Variants in ZNF28 observed in about 807,000 individuals in gnomAD.
ZNF28 encodes the protein zinc finger protein KOX24.
In ZNF28, 5 loss-of-function variants were observed where a neutral mutation model predicts 7.2. That is an observed-to-expected ratio of 0.70 (90% confidence interval 0.36 to 1.46). The LOEUF (loss-of-function observed/expected upper bound fraction) is 1.46. Among genes scored for constraint, ZNF28 ranks in the 40% most tolerant of loss-of-function variants. The probability of loss-of-function intolerance (pLI) is 0.03; values close to 1 mark genes in which losing one functional copy is unlikely to be tolerated. For missense variants in ZNF28, 879 were observed against 866.6 expected (o/e 1.01, Z -0.18); for synonymous variants, 288 against 292.4 (o/e 0.99, Z 0.15).
chr19:52,812,287 G>A (rs1209959120), intron 2 of ZNF28, among the ~76,000 whole-genome samples: 5 of 141,002 alleles, frequency 3.5e-5, no homozygotes, highest in Admixed American at 1.4e-4. Context: ...CATTGAGAAC[G>A]GGCCATGATG....
In ZNF28 at chr19:52,799,965, C is replaced by T; in HGVS notation, c.1880G>A (p.Arg627Lys). 2 of 1,613,098 alleles carry T rather than the reference C, an allele frequency of 1.2e-6. No individual in the cohort carries two copies. Among genetic ancestry groups the T allele is most frequent in the Non-Finnish European group, 1.7e-6 (2 of 1,179,492 alleles). Residue 627 changes from arginine to lysine, a missense_variant, in exon 4 of 4, where the codon AGG (arginine) becomes AAG (lysine). By Grantham distance (26) the Arg-to-Lys change is conservative. This residue lies in a region of ZNF28 where 864 missense variants were observed against 830.2 expected (regional missense o/e 1.04). Transcript: ENST00000457749. ...GTAAGGTTTCTCTCCAGTATGAAGCCTACGATGGATTATAAGCGATGATGT... is the reference window on the plus strand; with the variant it reads ...GTAAGGTTTCTCTCCAGTATGAAGCTTACGATGGATTATAAGCGATGATGT... ...RQTSSLIIHR[R>K]LHTGEKPYKC...
At chr19:52,820,658 TCTCC>T (rs1408381700) in intron 1 of ZNF28, among the ~76,000 whole-genome samples, 1 of 151,950 alleles carries the variant, frequency 6.6e-6, no homozygotes, top group African/African-American at 2.4e-5. Context: ...TCCCTCCTCC[TCTCC>T]CTCACTCTGA....
Position 52,810,540 on chromosome 19 carries a change from G to C in ZNF28, c.16-2407C>G. ...AAGGTGATCCCAAAGCGAACCAACA[G>C]ACCAGGCATCAGCACAACAGACCGG... On this transcript the variant is annotated intron_variant, in intron 2 of 3. Transcript: ENST00000457749. The C allele has an allele frequency of 2.5e-6, 4 of 1,596,896 alleles. No individual in the cohort carries two copies. In the Admixed American group the frequency reaches 6.7e-5, roughly 27 times the overall value.
chr19:52,810,572 C>T lies in ZNF28; in HGVS notation c.16-2439G>A. On this transcript the variant is annotated intron_variant, in intron 2 of 3. Transcript: ENST00000457749. ...CATCAGCACAACAGACCGGGGTCTT[C>T]CACGAGCCCGCTACCGCGCCCGACC... 4.4e-6 allele frequency: 7 copies of T among 1,592,998 alleles called. No individual in the cohort carries two copies. In the South Asian group the frequency reaches 7.7e-5, roughly 18 times the overall value.
intron 2 of ZNF28, among the ~76,000 whole-genome samples, chr19:52,815,134 A>T (rs1462055440): frequency 1.4e-5 from 2 of 144,434 alleles, no homozygotes; most frequent in Non-Finnish European, 3.0e-5. Context: ...TAAAATATAA[A>T]AAGTAGCAAG....
In ZNF28 at chr19:52,819,717, A is replaced by G. The variant is rs1005198250; in HGVS notation, c.-73-1686T>C. On this transcript the variant is annotated intron_variant, in intron 1 of 3. Transcript: ENST00000457749. Reference sequence around the variant, plus strand: ...TGGGATGGACTGGTCTTATCATCCCATCCTTAAAATTAGAGAAGCATCTTT... The same window carrying G: ...TGGGATGGACTGGTCTTATCATCCCGTCCTTAAAATTAGAGAAGCATCTTT... 3.5e-5 allele frequency among the ~76,000 whole-genome samples: 5 copies of G among 142,978 alleles called. 1 individual carries two copies. Among genetic ancestry groups the G allele is most frequent in the Admixed American group, 3.5e-4 (5 of 14,312 alleles). The allele number at this position is 142,978 out of a possible 152,430, so 93.8% of individuals were successfully genotyped here.
In ZNF28 at chr19:52,799,701, C is replaced by T. The variant is rs768897226; in HGVS notation, c.2144G>A (p.Gly715Glu). The T allele has an allele frequency of 6.4e-7, 1 of 1,565,594 alleles. No homozygotes were observed. The highest frequency in any genetic ancestry group is 1.7e-5 in the Admixed American group (1 of 59,156). ...CTCATTACACTTTCAAGGTTTCTCT[C>T]CACTATGAAGTCTATGATGGTATAC... ...NLVYHHRLHS[G>E]EKP The change falls in exon 4 of 4, where the codon GGA (glycine) becomes GAA (glutamate). Residue 715 changes from glycine to glutamate, a missense_variant. Around this residue, in one of 2 missense-constraint regions of ZNF28, gnomAD observed 15 missense variants for 36.4 expected, o/e 0.41. Coordinates refer to ENST00000457749, the MANE Select transcript of ZNF28 (RefSeq NM_006969.5).
chr19:52,807,886 A>C (rs554427055), intron 3 of ZNF28, 121 bp downstream of exon 3: 1 of 1,478,822 alleles, frequency 6.8e-7, no homozygotes, highest in East Asian at 2.3e-5. Context: ...TACATCATGA[A>C]GCTTTTCATT....
intron 2 of ZNF28, among the ~76,000 whole-genome samples, chr19:52,810,945 A>G (rs373220758): frequency 1.6e-5 from 2 of 124,442 alleles, no homozygotes; most frequent in South Asian, 3.2e-4. Flanking sequence ...GCCGAGCCAA[A>G]GCTGGACGGT....
At chr19:52,813,503 T>A (rs1189242361) in intron 2 of ZNF28, among the ~76,000 whole-genome samples, 1 of 122,352 alleles carries the variant, frequency 8.2e-6, no homozygotes, top group African/African-American at 3.9e-5. Flanking sequence ...TTTTTTTTTT[T>A]ACCCAGGGCT....
intron 2 of ZNF28, among the ~76,000 whole-genome samples, chr19:52,817,038 C>T (rs111576669): frequency 6.6e-6 from 1 of 151,044 alleles, no homozygotes; most frequent in Admixed American, 6.6e-5. Flanking sequence ...GGTTGAATGA[C>T]TCTCCTGCTA....
intron 1 of ZNF28, among the ~76,000 whole-genome samples, chr19:52,819,496 A>C (rs4803003): frequency 0.2 from 9,482 of 47,630 alleles, 2,323 homozygotes; most frequent in African/African-American, 0.25. Flanking sequence ...CCAGACACCC[A>C]CTCTATTTTG....
intron 2 of ZNF28, chr19:52,810,397 C>G: frequency 6.2e-7 from 1 of 1,604,928 alleles, no homozygotes; most frequent in Non-Finnish European, 8.5e-7. Flanking sequence ...AACCACGTTA[C>G]CATACTCTGT....
chr19:52,812,496 T>G (rs1258606278), intron 2 of ZNF28, among the ~76,000 whole-genome samples: 2 of 123,902 alleles, frequency 1.6e-5, no homozygotes, highest in Admixed American at 8.1e-5. Flanking sequence ...AAACATGTGC[T>G]GTGTCCACTC....
chr19:52,804,253 G>C (rs1207459194), intron 3 of ZNF28, among the ~76,000 whole-genome samples: 2 of 152,172 alleles, frequency 1.3e-5, no homozygotes, highest in African/African-American at 4.8e-5. Flanking sequence ...AAATTCATGA[G>C]AAATCAATGT....
chr19:52,818,150 C>T lies in ZNF28; in HGVS notation c.-73-119G>A, dbSNP rs548387592. ...AAATATGGTCCCCTATGCTGCCTAC[C>T]GCACCACGAACAAAAAATTCCTACA... is the stretch of plus-strand genomic sequence containing the variant. On this transcript the variant is annotated intron_variant, in intron 1 of 3. Coordinates refer to ENST00000457749, the MANE Select transcript of ZNF28 (RefSeq NM_006969.5). 252 of 1,093,146 alleles carry T rather than the reference C, an allele frequency of 2.3e-4. No homozygotes were observed. The African/African-American group carries it at 2.7e-3, about 12-fold the overall frequency. 67.7% of individuals were successfully genotyped at this position (1,093,146 alleles called of 1,614,324 possible). A position where few individuals can be genotyped will look rare whatever the true frequency, so the allele number is the denominator to read the frequency against.
chr19:52,809,212 C>T (rs1014073564), intron 2 of ZNF28, among the ~76,000 whole-genome samples: 2 of 152,164 alleles, frequency 1.3e-5, no homozygotes, highest in African/African-American at 4.8e-5. Context: ...ATCACCCTTT[C>T]AACTGCCTGA....
chr19:52,811,868 GC>G (rs1568657284), intron 2 of ZNF28, among the ~76,000 whole-genome samples: 2 of 129,192 alleles, frequency 1.5e-5, no homozygotes, highest in African/African-American at 6.1e-5. Context: ...CCGGCCAGCC[GC>G]CCCGTCCGGG....
chr19:52,811,488 A>C lies in ZNF28; in HGVS notation c.16-3355T>G, dbSNP rs2063038369. Among the ~76,000 whole-genome samples the C allele has an allele frequency of 2.1e-5, 3 of 145,866 alleles. No individual in the cohort carries two copies. In the South Asian group the frequency reaches 6.5e-4, roughly 32 times the overall value. On this transcript the variant is annotated intron_variant, in intron 2 of 3. Transcript: ENST00000457749. ...CCGCCATCCCATCTAGGAAGTGAGG[A>C]GCGTCTCTGCCCGGCCGCCCATCGT...
Sources: allele counts gnomAD v4.1 joint callset (sites outside exome capture counted in the v4.1 genomes callset), GRCh38; gene constraint gnomAD v4.1.1; regional missense constraint gnomAD v4.1.1; transcripts MANE v1.5; gene names NCBI Gene and HGNC (gene_info 2026-07-23, HGNC 2026-07-21).